Variants in SORD observed in about 807,000 individuals in gnomAD.
The protein encoded by SORD is (R,R)-butanediol dehydrogenase.
A neutral mutation model predicts 35.6 loss-of-function variants in SORD; 18 were observed. The observed-to-expected ratio is 0.51, with a 90% CI of 0.35 to 0.75. The LOEUF (loss-of-function observed/expected upper bound fraction) is 0.75. SORD is among the 30% of genes least tolerant of loss of function. The probability of loss-of-function intolerance (pLI) is 0.01; values close to 1 mark genes in which losing one functional copy is unlikely to be tolerated. For missense variants in SORD, 250 were observed against 390.2 expected, an observed-to-expected ratio of 0.64 and a Z score of 3.03; for synonymous variants, 106 against 152.9, an observed-to-expected ratio of 0.69 and a Z score of 2.26.
intron 3 of SORD, among the ~76,000 whole-genome samples, chr15:45,051,532 G>A (rs1180011778): frequency 6.6e-6 from 1 of 152,036 alleles, no homozygotes; most frequent in African/African-American, 2.4e-5. Flanking sequence ...GTACAATTAC[G>A]GATTACTATA....
chr15:45,059,496 A>G (rs1177549787), intron 3 of SORD, among the ~76,000 whole-genome samples: 2 of 152,186 alleles, frequency 1.3e-5, no homozygotes, highest in East Asian at 1.9e-4. Flanking sequence ...GAAAAGGAAC[A>G]AACTGTCATT....
At chr15:45,060,953 T>A (rs779029967) in intron 3 of SORD, 114 bp from the exon 4 acceptor site, 6 of 1,542,594 alleles carry the variant, frequency 3.9e-6, no homozygotes, top group Non-Finnish European at 5.2e-6. Flanking sequence ...CAAGCCTTCA[T>A]AACATCTCTG....
intron 2 of SORD, chr15:45,041,804 C>G (rs934418277): frequency 6.6e-6 from 1 of 152,184 alleles, no homozygotes; most frequent in East Asian, 1.9e-4. Flanking sequence ...CTTGCACTCT[C>G]GTCTCTTGCT....
intron 1 of SORD, among the ~76,000 whole-genome samples, chr15:45,028,521 C>T (rs1351680178): frequency 6.6e-6 from 1 of 152,192 alleles, no homozygotes; most frequent in Non-Finnish European, 1.5e-5. Context: ...GCTCCATTTC[C>T]AGGAAACAAC....
intron 3 of SORD, chr15:45,058,719 C>G (rs1893255588): frequency 1.3e-5 from 2 of 152,202 alleles, no homozygotes; most frequent in African/African-American, 4.8e-5. Flanking sequence ...AAGAGGAAAG[C>G]TCTCAGCAGC....
chr15:45,023,693 C>A (rs755195983), intron 1 of SORD, among the ~76,000 whole-genome samples: 1 of 152,234 alleles, frequency 6.6e-6, no homozygotes, highest in African/African-American at 2.4e-5. Flanking sequence ...AAAGGAAATG[C>A]TAAGGCTGTC....
At chr15:45,049,517 A>G (rs1051736256) in intron 3 of SORD, among the ~76,000 whole-genome samples, 4 of 152,222 alleles carry the variant, frequency 2.6e-5, no homozygotes, top group African/African-American at 4.8e-5. Flanking sequence ...GAAAAGCTCA[A>G]AAATCCCAAA....
In SORD at chr15:45,072,686, G is replaced by C. The variant is rs188600169; in HGVS notation, c.908+248G>C. On this transcript the variant is annotated intron_variant, in intron 8 of 8. Transcript: ENST00000267814. Reference sequence around the variant, plus strand: ...ATTTTGAAGCATAGTCTTACTGAGTGTCTGCTGCTTATCCCCCCCAGGCCC... The same window carrying C: ...ATTTTGAAGCATAGTCTTACTGAGTCTCTGCTGCTTATCCCCCCCAGGCCC... Among the ~76,000 whole-genome samples, 14 of 144,830 alleles carry C rather than the reference G, an allele frequency of 9.7e-5. 2 individuals carry two copies. Among genetic ancestry groups the C allele is most frequent in the Admixed American group, 2.6e-4 (4 of 15,108 alleles).
At chr15:45,048,639 G>A (rs1893082005) in intron 3 of SORD, among the ~76,000 whole-genome samples, 1 of 152,186 alleles carries the variant, frequency 6.6e-6, no homozygotes, top group Non-Finnish European at 1.5e-5. Context: ...GCAGTCTAGG[G>A]TCAACATAGC....
rs561282699 is a variant in SORD at position 45,045,166 on chromosome 15, G to T, written c.265+1745G>T. Among the ~76,000 whole-genome samples the T allele has an allele frequency of 1.7e-3, 255 of 152,202 alleles. 1 individual carries two copies. Among genetic ancestry groups the T allele is most frequent in the Non-Finnish European group, 3.0e-3 (202 of 67,996 alleles). ...CTAGAGCAAGTGCTCAGAACCACTG[G>T]GCTACCCAGCATCTTCATACTTGAG... On this transcript the variant is annotated intron_variant, in intron 3 of 8. Coordinates refer to ENST00000267814, the MANE Select transcript of SORD (RefSeq NM_003104.6).
chr15:45,052,365 T>C (rs1186528305), intron 3 of SORD, among the ~76,000 whole-genome samples: 1 of 152,188 alleles, frequency 6.6e-6, no homozygotes, highest in African/African-American at 2.4e-5. Context: ...GGCTTCCTCT[T>C]GACTATTGAA....
intron 2 of SORD, among the ~76,000 whole-genome samples, chr15:45,041,038 C>G (rs1476724010): frequency 2.0e-5 from 3 of 152,162 alleles, no homozygotes; most frequent in African/African-American, 7.2e-5. Context: ...GGCAGGGTTT[C>G]CAACACCTTT....
chr15:45,069,088 T>C (rs376947010), intron 7 of SORD, 36 bp downstream of exon 7: 69 of 1,493,672 alleles, frequency 4.6e-5, no homozygotes, highest in Non-Finnish European at 6.1e-5. Context: ...GGAATCAGCA[T>C]AGGGGAGTGA....
At chr15:45,031,749 G>A (rs1310515714) in intron 1 of SORD, among the ~76,000 whole-genome samples, 2 of 148,898 alleles carry the variant, frequency 1.3e-5, no homozygotes, top group African/African-American at 2.4e-5. Context: ...GAGCCATCCC[G>A]CCTGGCCTTG....
intron 3 of SORD, among the ~76,000 whole-genome samples, chr15:45,059,676 T>G (rs1233027711): frequency 6.6e-6 from 1 of 152,154 alleles, no homozygotes; most frequent in Non-Finnish European, 1.5e-5. Context: ...AAAATTTTTT[T>G]TGTAAAGATG....
At chr15:45,065,514 G>T in intron 5 of SORD, 125 bp downstream of exon 5, 2 of 1,448,822 alleles carry the variant, frequency 1.4e-6, no homozygotes, top group East Asian at 4.7e-5. Flanking sequence ...AGGGAGGATT[G>T]CAGTGTCCCA....
At chr15:45,071,598 C>T (rs532305307) in intron 7 of SORD, among the ~76,000 whole-genome samples, 1 of 152,008 alleles carries the variant, frequency 6.6e-6, no homozygotes, top group Non-Finnish European at 1.5e-5. Context: ...ATTATCCATT[C>T]TTCTGTCTCT....
intron 3 of SORD, among the ~76,000 whole-genome samples, chr15:45,044,696 CTTTTTCTTTTT>C (rs1438141444): frequency 1.0e-5 from 1 of 98,050 alleles, no homozygotes; most frequent in East Asian, 3.3e-4. Context: ...TTCTTTCTTT[CTTTTTCTTTTT>C]TTTTTTTTTT....
chr15:45,065,897 G>A (rs1893397335), intron 5 of SORD, among the ~76,000 whole-genome samples: 1 of 151,976 alleles, frequency 6.6e-6, no homozygotes, highest in Non-Finnish European at 1.5e-5. Flanking sequence ...TCCAGTCTGG[G>A]TGACAGAACA....
Sources: gnomAD v4.1 joint callset for allele counts (sites outside exome capture counted in the v4.1 genomes callset) on GRCh38, gnomAD v4.1.1 for gene constraint, MANE v1.5 for transcripts, NCBI Gene and HGNC (gene_info 2026-07-23, HGNC 2026-07-21) for gene names.